Variants in TG observed in about 807,000 individuals in gnomAD.
TG encodes thyroglobulin.
A neutral mutation model predicts 324.7 loss-of-function variants in TG; 270 were observed. That is an observed-to-expected ratio of 0.83 (90% confidence interval 0.75 to 0.92). The LOEUF (loss-of-function observed/expected upper bound fraction) is 0.92. TG is among the 40% of genes least tolerant of loss of function. TG has a pLI of 0.00. For synonymous variants in TG, 1,401 were observed against 1,327.0 expected (o/e 1.06, Z -1.21); for missense variants, 3,591 against 3,456.4 (o/e 1.04, Z -0.98).
At chr8:133,118,256 G>T (rs1850857214) in intron 45 of TG, among the ~76,000 whole-genome samples, 1 of 149,492 alleles carries the variant, frequency 6.7e-6, no homozygotes, top group Admixed American at 6.7e-5. Context: ...CTACGGGAAA[G>T]AAAGGGCATT....
Position 133,063,068 on chromosome 8 carries a change from G to A in TG, c.7240-31976G>A, listed in dbSNP as rs183872006. ...GGCTTCTGGGGAAAGTTCTCAACAT[G>A]CAGAACTAACTCTGAAACCACATGT... On this transcript the variant is annotated intron_variant, in intron 41 of 47. Coordinates refer to ENST00000220616, the MANE Select transcript of TG (RefSeq NM_003235.5). 2.6e-5 allele frequency among the ~76,000 whole-genome samples: 4 copies of A among 152,294 alleles called. No homozygotes were observed. The East Asian group carries it at 7.7e-4, about 29-fold the overall frequency.
At chr8:133,033,218 G>A (rs73708821) in intron 41 of TG, among the ~76,000 whole-genome samples, 3,225 of 152,230 alleles carry the variant, frequency 0.021, 110 homozygotes, top group African/African-American at 0.074. Flanking sequence ...ATGTTATCAG[G>A]ACTTATGGTT....
At chr8:133,118,754 C>T (rs1564209760) in intron 45 of TG, among the ~76,000 whole-genome samples, 1 of 152,138 alleles carries the variant, frequency 6.6e-6, no homozygotes, top group Non-Finnish European at 1.5e-5. Context: ...TAGTAAAATA[C>T]CTTAGCTGAA....
intron 20 of TG, 75 bp downstream of exon 20, chr8:132,913,340 G>A: frequency 6.9e-7 from 1 of 1,458,388 alleles, no homozygotes; most frequent in Non-Finnish European, 9.6e-7. Context: ...CAGCACTGGA[G>A]AGAGGCTACT....
At chr8:132,997,618 G>A (rs1349141044) in intron 35 of TG, among the ~76,000 whole-genome samples, 1 of 152,102 alleles carries the variant, frequency 6.6e-6, no homozygotes, top group Non-Finnish European at 1.5e-5. Flanking sequence ...CAAGGAAAAT[G>A]GAGACTGGAA....
At chr8:133,080,746 T>G (rs1469703210) in intron 41 of TG, among the ~76,000 whole-genome samples, 3 of 152,188 alleles carry the variant, frequency 2.0e-5, no homozygotes, top group Admixed American at 1.3e-4. Flanking sequence ...CACTGTGCAC[T>G]GTAGACAAGC....
intron 27 of TG, among the ~76,000 whole-genome samples, chr8:132,956,622 C>T (rs139235718): frequency 3.3e-5 from 5 of 152,234 alleles, no homozygotes; most frequent in East Asian, 1.9e-4. Flanking sequence ...CAGTGTGACT[C>T]GGGAGGTGGG....
chr8:132,923,533 C>A, intron 22 of TG, 25 bp downstream of exon 22: 2 of 1,609,106 alleles, frequency 1.2e-6, no homozygotes, highest in South Asian at 2.2e-5. Flanking sequence ...TGAAATCAGT[C>A]ATGGTTCCTG....
At chr8:133,062,031 C>A (rs931563859) in intron 41 of TG, among the ~76,000 whole-genome samples, 1 of 152,194 alleles carries the variant, frequency 6.6e-6, no homozygotes, top group Non-Finnish European at 1.5e-5. Flanking sequence ...AGACAATGAC[C>A]AGGCTCGCAA....
In TG at chr8:132,876,768, G is replaced by T. The variant is rs1813861711; in HGVS notation, c.638+3547G>T. The stretch of plus-strand genomic sequence containing the variant: ...ACCAGTAACTGTGGACACACATTCT[G>T]ACCAAGCAGATCATAAGTAAAGGTC... On this transcript the variant is annotated intron_variant, in intron 5 of 47. Coordinates refer to ENST00000220616, the MANE Select transcript of TG (RefSeq NM_003235.5). Among the ~76,000 whole-genome samples the T allele has an allele frequency of 3.9e-5, 6 of 152,316 alleles. No homozygotes were observed. The South Asian group carries it at 1.2e-3, about 32-fold the overall frequency.
intron 41 of TG, among the ~76,000 whole-genome samples, chr8:133,080,979 G>T (rs546290676): frequency 6.6e-6 from 1 of 152,238 alleles, no homozygotes; most frequent in South Asian, 2.1e-4. Flanking sequence ...GACACATTGC[G>T]TATTGGAGTA....
In TG at chr8:132,887,085, C is replaced by T. The variant is rs1815527635; in HGVS notation, c.1713C>T (p.Leu571=). The stretch of plus-strand genomic sequence containing the variant: ...ATGCCCTCAAATTCCTTGCTTCTCT[C>T]CTGGAGCTTCCAGAATTCCTTCTCT... ...NQNALKFLAS[L]LELPEFLLFL... is the part of the protein sequence containing the mutation. Residue 571 remains leucine, a synonymous_variant, in exon 9 of 48, where the codon CTC becomes CTT. Coordinates refer to ENST00000220616, the MANE Select transcript of TG (RefSeq NM_003235.5). 2 of 1,614,108 alleles carry T rather than the reference C, an allele frequency of 1.2e-6. No homozygotes were observed. The highest frequency in any genetic ancestry group is 2.7e-5 in the African/African-American group (2 of 74,940).
chr8:132,997,550 C>T (rs1169962875), intron 35 of TG, among the ~76,000 whole-genome samples: 1 of 152,060 alleles, frequency 6.6e-6, no homozygotes, highest in Non-Finnish European at 1.5e-5. Flanking sequence ...ACAGGGGAGG[C>T]ACACTGGTGG....
chr8:133,030,538 C>G (rs903745279), intron 41 of TG, among the ~76,000 whole-genome samples: 1 of 152,218 alleles, frequency 6.6e-6, no homozygotes, highest in Non-Finnish European at 1.5e-5. Flanking sequence ...CTGGTATTTA[C>G]TGATCTGTCA....
Position 133,109,750 on chromosome 8 carries a change from G to A in TG, c.7573-3672G>A, listed in dbSNP as rs115488968. Among the ~76,000 whole-genome samples the A allele has an allele frequency of 8.4e-3, 1,285 of 152,286 alleles. 17 individuals are homozygous for A. Among genetic ancestry groups the A allele is most frequent in the African/African-American group, 0.029 (1,219 of 41,546 alleles). On this transcript the variant is annotated intron_variant, in intron 43 of 47. Coordinates refer to ENST00000220616, the MANE Select transcript of TG (RefSeq NM_003235.5). ...CTGACACGCAATGGGTGCTTGGTGC[G>A]TGGCACTTGTGCTGACCTCGGCTAC...
chr8:132,897,509 C>A, intron 11 of TG, 140 bp from the exon 12 acceptor site: 2 of 1,194,478 alleles, frequency 1.7e-6, no homozygotes, highest in Non-Finnish European at 2.5e-6. Context: ...CTTTGTAATA[C>A]TGTGGGTTGA....
chr8:133,021,046 C>T (rs779492917), intron 39 of TG, among the ~76,000 whole-genome samples: 6 of 152,142 alleles, frequency 3.9e-5, no homozygotes, highest in Non-Finnish European at 7.3e-5. Flanking sequence ...CTCAGACACA[C>T]GATTCTAATA....
At chr8:132,917,627 G>A (rs1164522809) in intron 20 of TG, among the ~76,000 whole-genome samples, 1 of 151,998 alleles carries the variant, frequency 6.6e-6, no homozygotes, top group Non-Finnish European at 1.5e-5. Context: ...GGCTGGAGAT[G>A]GGACCATGGA....
chr8:132,883,031 C>A, intron 8 of TG, 32 bp downstream of exon 8: 1 of 1,606,760 alleles, frequency 6.2e-7, no homozygotes, highest in South Asian at 1.1e-5. Flanking sequence ...CCTCTTTCGG[C>A]CTCGGATCAT....
Sources: gnomAD v4.1 joint callset for allele counts (sites outside exome capture counted in the v4.1 genomes callset) on GRCh38, gnomAD v4.1.1 for gene constraint, MANE v1.5 for transcripts, NCBI Gene and HGNC (gene_info 2026-07-23, HGNC 2026-07-21) for gene names.